The following TAFA5 variants were observed in gnomAD, a reference collection of about 807,000 sequenced individuals.
The protein encoded by TAFA5 is chemokine-like protein TAFA-5.
In TAFA5, 6 loss-of-function variants were observed where a neutral mutation model predicts 15.3. That is an observed-to-expected ratio of 0.39 (90% CI 0.21 to 0.77). The LOEUF (loss-of-function observed/expected upper bound fraction) is 0.77, where lower values mean the gene tolerates loss of function less well. Among genes scored for constraint, TAFA5 ranks in the 30% least tolerant of loss-of-function variants. The pLI is 0.41. For missense variants in TAFA5, 161 were observed against 193.1 expected (o/e 0.83, Z 0.98); for synonymous variants, 103 against 80.7 (o/e 1.28, Z -1.48).
chr22:48,647,579 G>A (rs1926911579), intron 2 of TAFA5, among the ~76,000 whole-genome samples: 1 of 152,140 alleles, frequency 6.6e-6, no homozygotes, highest in African/African-American at 2.4e-5. Context: ...TCCCGGGAAG[G>A]CATCTGGTGT....
intron 1 of TAFA5, among the ~76,000 whole-genome samples, chr22:48,601,081 G>A (rs941715622): frequency 8.5e-5 from 13 of 152,184 alleles, no homozygotes; most frequent in African/African-American, 2.9e-4. Context: ...ACGTGTACAC[G>A]GCTTTAACTA....
At chr22:48,729,345 ATTTTT>A (rs1929801237) in intron 3 of TAFA5, among the ~76,000 whole-genome samples, 1 of 14,244 alleles carries the variant, frequency 7.0e-5, no homozygotes, top group African/African-American at 5.4e-4. Flanking sequence ...GTAAATATAT[ATTTTT>A]ATATTAGTAT....
At chr22:48,731,518 A>G (rs1455823026) in intron 3 of TAFA5, among the ~76,000 whole-genome samples, 2 of 152,252 alleles carry the variant, frequency 1.3e-5, no homozygotes, top group Non-Finnish European at 2.9e-5. Flanking sequence ...TTAGAGGCTA[A>G]TGCAGCTGGT....
rs1485172949 is a variant in TAFA5 at position 48,530,371 on chromosome 22, C to T, written c.112+40667C>T. Among the ~76,000 whole-genome samples the T allele has an allele frequency of 6.6e-6, 1 of 152,168 alleles. No homozygotes were observed. The highest frequency in any genetic ancestry group is 2.4e-5 in the African/African-American group (1 of 41,432). On this transcript the variant is annotated intron_variant, in intron 1 of 3. Transcript: ENST00000402357. The surrounding 1 kb of genome is among the most constrained non-coding windows in gnomAD (Gnocchi z 6.0). ...TGGAGGGCACAGGGGCCATCACCTG[C>T]TGGAGCCCAGAGAAGGAATGCACCG...
intron 1 of TAFA5, among the ~76,000 whole-genome samples, chr22:48,600,770 C>G (rs1348823837): frequency 1.3e-5 from 2 of 152,190 alleles, no homozygotes; most frequent in Non-Finnish European, 2.9e-5. Flanking sequence ...CTGTTCCACT[C>G]GGGGCATGAA....
intron 1 of TAFA5, among the ~76,000 whole-genome samples, chr22:48,643,615 G>A (rs1478275389): frequency 6.6e-6 from 1 of 152,228 alleles, no homozygotes; most frequent in Non-Finnish European, 1.5e-5. Context: ...TAGCACCTGA[G>A]GGGTGTGCTG....
intron 1 of TAFA5, among the ~76,000 whole-genome samples, chr22:48,536,764 A>G (rs973869181): frequency 1.6e-4 from 25 of 152,308 alleles, no homozygotes; most frequent in Non-Finnish European, 3.4e-4. Flanking sequence ...GCGCGCACAC[A>G]CATGCACACG....
intron 1 of TAFA5, among the ~76,000 whole-genome samples, chr22:48,534,903 G>T (rs564935911): frequency 6.6e-6 from 1 of 152,176 alleles, no homozygotes; most frequent in African/African-American, 2.4e-5. Context: ...TTGTCTTGGG[G>T]GTCCTGGAGG....
intron 2 of TAFA5, among the ~76,000 whole-genome samples, chr22:48,696,307 C>A (rs1266428314): frequency 2.0e-5 from 3 of 152,146 alleles, no homozygotes; most frequent in Admixed American, 6.5e-5. Context: ...ATAGCAGGTG[C>A]CTTCCTGTCC....
intron 2 of TAFA5, among the ~76,000 whole-genome samples, chr22:48,702,035 C>T (rs1221167170): frequency 6.6e-6 from 1 of 152,130 alleles, no homozygotes; most frequent in South Asian, 2.1e-4. Context: ...CTTCTGTAGA[C>T]CTGGGGACTC....
intron 1 of TAFA5, among the ~76,000 whole-genome samples, chr22:48,531,388 G>C (rs1921966531): frequency 6.6e-6 from 1 of 152,170 alleles, no homozygotes; most frequent in East Asian, 1.9e-4. Context: ...AGTGAGAGGG[G>C]CTTTCTTGCA....
At chr22:48,500,504 T>A (rs377187855) in intron 1 of TAFA5, among the ~76,000 whole-genome samples, 2 of 152,348 alleles carry the variant, frequency 1.3e-5, no homozygotes, top group South Asian at 2.1e-4. Flanking sequence ...ACACAGTGCG[T>A]GCCGGCCTCC....
At chr22:48,520,356 T>A (rs1404073854) in intron 1 of TAFA5, among the ~76,000 whole-genome samples, 2 of 152,198 alleles carry the variant, frequency 1.3e-5, no homozygotes, top group Non-Finnish European at 2.9e-5. Flanking sequence ...ACTGGGCATG[T>A]GTTGGCTGCT....
At chr22:48,575,162 A>T (rs1923719858) in intron 1 of TAFA5, among the ~76,000 whole-genome samples, 1 of 151,922 alleles carries the variant, frequency 6.6e-6, no homozygotes, top group African/African-American at 2.4e-5. Flanking sequence ...CTTGGGTGCG[A>T]GGGAGGCTGG....
In TAFA5 at chr22:48,742,663, A is replaced by G. The variant is rs1230930467; in HGVS notation, c.391-7176A>G. Reference sequence around the variant, plus strand: ...GACCGGGCCGCATGGTGGACCAGGCAACGTGGTAGACCGGGCAGTGTGATG... The same window carrying G: ...GACCGGGCCGCATGGTGGACCAGGCGACGTGGTAGACCGGGCAGTGTGATG... On this transcript the variant is annotated intron_variant, in intron 3 of 3. Transcript: ENST00000402357. The surrounding 1 kb of genome is among the most constrained non-coding windows in gnomAD (Gnocchi z 6.2). Among the ~76,000 whole-genome samples, 1 of 151,694 alleles carries G rather than the reference A, an allele frequency of 6.6e-6. No individual in the cohort carries two copies. Among genetic ancestry groups the G allele is most frequent in the Non-Finnish European group, 1.5e-5 (1 of 67,888 alleles).
chr22:48,588,963 C>T (rs773125215), intron 1 of TAFA5, among the ~76,000 whole-genome samples: 1 of 152,222 alleles, frequency 6.6e-6, no homozygotes, highest in South Asian at 2.1e-4. Flanking sequence ...TAGCCAATTA[C>T]CTTCCTTCTC....
intron 2 of TAFA5, among the ~76,000 whole-genome samples, chr22:48,689,207 G>A (rs528540107): frequency 3.9e-5 from 6 of 152,244 alleles, no homozygotes; most frequent in Admixed American, 2.0e-4. Flanking sequence ...TCAAAAACGC[G>A]TGGAACCCTT....
At chr22:48,652,160 G>C (rs909859978) in intron 2 of TAFA5, among the ~76,000 whole-genome samples, 1 of 152,278 alleles carries the variant, frequency 6.6e-6, no homozygotes, top group Non-Finnish European at 1.5e-5. Context: ...CTGAAGGCAT[G>C]TTGTGGCTGG....
chr22:48,747,665 G>A (rs1432586853), intron 3 of TAFA5, among the ~76,000 whole-genome samples: 1 of 152,134 alleles, frequency 6.6e-6, no homozygotes, highest in Non-Finnish European at 1.5e-5. Context: ...GAGAGGCCAA[G>A]GTGAGCGGAT....
Sources: gnomAD v4.1 joint callset for allele counts (sites outside exome capture counted in the v4.1 genomes callset) on GRCh38, gnomAD v4.1.1 for gene constraint, Gnocchi (gnomAD v3.1) non-coding constraint, MANE v1.5 for transcripts, NCBI Gene and HGNC (gene_info 2026-07-23, HGNC 2026-07-21) for gene names.